The following LRRC7 variants were observed in gnomAD, a reference collection of about 807,000 sequenced individuals.
The protein encoded by LRRC7 is leucine rich repeat containing 7, also known as leucine-rich repeat-containing protein 7.
In LRRC7, 23 loss-of-function variants were observed where a neutral mutation model predicts 175.7. That is an observed-to-expected ratio of 0.13 (90% CI 0.09 to 0.19). The LOEUF (loss-of-function observed/expected upper bound fraction) is 0.19. Among genes scored for constraint, LRRC7 ranks in the 10% least tolerant of loss-of-function variants. LRRC7 has a pLI of 1.00. For synonymous variants in LRRC7, 685 were observed against 680.9 expected (o/e 1.01, Z -0.09); for missense variants, 1,354 against 1,904.7 (o/e 0.71, Z 5.38).
At chr1:69,796,734 C>T (rs781240761) in intron 4 of LRRC7, among the ~76,000 whole-genome samples, 1 of 151,510 alleles carries the variant, frequency 6.6e-6, no homozygotes, top group Admixed American at 6.6e-5. Context: ...GCGGAGGTTG[C>T]GGTGAGCCGA....
At chr1:69,685,564 A>T (rs1441139862) in intron 2 of LRRC7, among the ~76,000 whole-genome samples, 1 of 152,188 alleles carries the variant, frequency 6.6e-6, no homozygotes, top group Non-Finnish European at 1.5e-5. Context: ...TATGTAACTG[A>T]AAACCAAAAT....
chr1:69,639,020 GT>G (rs1442699932), intron 1 of LRRC7, among the ~76,000 whole-genome samples: 1 of 151,720 alleles, frequency 6.6e-6, no homozygotes, highest in Non-Finnish European at 1.5e-5. Flanking sequence ...TAGTATCTAA[GT>G]TTTTTAACTC....
chr1:69,691,505 G>C (rs1661857034), intron 2 of LRRC7, among the ~76,000 whole-genome samples: 1 of 151,958 alleles, frequency 6.6e-6, no homozygotes, highest in Admixed American at 6.6e-5. Context: ...GAATTATAAA[G>C]GATACAACTT....
At chr1:69,909,677 G>A (rs1037347639) in intron 7 of LRRC7, among the ~76,000 whole-genome samples, 4 of 152,026 alleles carry the variant, frequency 2.6e-5, no homozygotes, top group Non-Finnish European at 4.4e-5. Context: ...AGGGTAACCC[G>A]ACCTTTCTCT....
At chr1:69,810,352 G>A (rs1677682057) in intron 4 of LRRC7, among the ~76,000 whole-genome samples, 1 of 152,046 alleles carries the variant, frequency 6.6e-6, no homozygotes, top group South Asian at 2.1e-4. Context: ...ACTGCCCAAA[G>A]TAATTTATAG....
chr1:69,781,031 G>C (rs182875644), intron 3 of LRRC7, among the ~76,000 whole-genome samples: 17 of 152,266 alleles, frequency 1.1e-4, no homozygotes, highest in Non-Finnish European at 1.5e-5. Flanking sequence ...TTGAGATATA[G>C]TCATCTACAT....
chr1:69,880,181 C>T (rs918346495), intron 7 of LRRC7, among the ~76,000 whole-genome samples: 2 of 152,120 alleles, frequency 1.3e-5, no homozygotes, highest in Non-Finnish European at 2.9e-5. Flanking sequence ...TTCCTTCCTC[C>T]TTTCCCACTT....
chr1:69,637,219 T>C (rs146797897), intron 1 of LRRC7, among the ~76,000 whole-genome samples: 2 of 152,126 alleles, frequency 1.3e-5, no homozygotes, highest in East Asian at 3.9e-4. Context: ...TTTAAACTAC[T>C]GAATAAATGT....
At chr1:70,020,855 C>T in intron 15 of LRRC7, 150 bp from the exon 16 acceptor site, 1 of 506,148 alleles carries the variant, frequency 2.0e-6, no homozygotes, top group Non-Finnish European at 3.1e-6. Flanking sequence ...ATTCTTTTCT[C>T]TTTCCTTCTT....
Position 69,608,891 on chromosome 1 carries a change from TATATATATAC to T in LRRC7, c.2+40252_2+40261del, listed in dbSNP as rs1371428231. Among the ~76,000 whole-genome samples the T allele has an allele frequency of 4.2e-3, 560 of 132,160 alleles. 8 individuals are homozygous for T. Among genetic ancestry groups the T allele is most frequent in the African/African-American group, 0.015 (517 of 34,162 alleles). The allele number at this position is 132,160 out of a possible 152,430, so 86.7% of individuals were successfully genotyped here. A position where few individuals can be genotyped will look rare whatever the true frequency, so the allele number is the denominator to read the frequency against. On this transcript the variant is annotated intron_variant, in intron 1 of 26. Transcript: ENST00000651989. The stretch of plus-strand genomic sequence containing the variant: ...CTATATATATATATATATATATATA[TATATATATAC>T]ACACACACACACATATATATAAAAT...
At chr1:69,671,441 C>A (rs1174050600) in intron 1 of LRRC7, among the ~76,000 whole-genome samples, 1 of 152,080 alleles carries the variant, frequency 6.6e-6, no homozygotes, top group Non-Finnish European at 1.5e-5. Context: ...TCTTTTGGAA[C>A]CATGAGCTGT....
chr1:69,613,585 T>C (rs988720678), intron 1 of LRRC7, among the ~76,000 whole-genome samples: 1 of 152,078 alleles, frequency 6.6e-6, no homozygotes, highest in Non-Finnish European at 1.5e-5. Flanking sequence ...CTTCTTTGCC[T>C]GCATTTTCAA....
chr1:69,637,381 GT>G (rs1653555701), intron 1 of LRRC7, among the ~76,000 whole-genome samples: 1 of 151,894 alleles, frequency 6.6e-6, no homozygotes, highest in Non-Finnish European at 1.5e-5. Context: ...AAGTCTTGGG[GT>G]TAATTCTACA....
intron 7 of LRRC7, among the ~76,000 whole-genome samples, chr1:69,857,062 A>C (rs1230965702): frequency 6.6e-6 from 1 of 152,192 alleles, no homozygotes; most frequent in Non-Finnish European, 1.5e-5. Flanking sequence ...AAAATTCAAC[A>C]GTCCTTCATG....
chr1:70,114,516 G>A (rs1043372136), intron 26 of LRRC7, among the ~76,000 whole-genome samples: 4 of 151,950 alleles, frequency 2.6e-5, no homozygotes, highest in African/African-American at 7.3e-5. Flanking sequence ...AGCAGACCCC[G>A]TCTCTACGAA....
intron 21 of LRRC7, among the ~76,000 whole-genome samples, chr1:70,040,426 A>G (rs939916925): frequency 6.6e-6 from 1 of 152,226 alleles, no homozygotes; most frequent in South Asian, 2.1e-4. Flanking sequence ...AGATTATACT[A>G]CAGACAACAA....
At chr1:69,939,360 T>C (rs972170974) in intron 8 of LRRC7, among the ~76,000 whole-genome samples, 1 of 151,758 alleles carries the variant, frequency 6.6e-6, no homozygotes, top group African/African-American at 2.4e-5. Flanking sequence ...CTGATTCTAG[T>C]TATGTGGAAA....
intron 8 of LRRC7, among the ~76,000 whole-genome samples, chr1:69,977,104 A>C (rs1652893962): frequency 6.6e-6 from 1 of 152,260 alleles, no homozygotes; most frequent in African/African-American, 2.4e-5. Context: ...ACTGGAAGAC[A>C]TGTTTGTGCA....
intron 24 of LRRC7, among the ~76,000 whole-genome samples, chr1:70,082,101 T>C (rs1663250901): frequency 6.6e-6 from 1 of 152,218 alleles, no homozygotes; most frequent in Non-Finnish European, 1.5e-5. Flanking sequence ...TTAGATTAGA[T>C]GCTCTGGTCA....
Sources: gnomAD v4.1 joint callset for allele counts (sites outside exome capture counted in the v4.1 genomes callset) on GRCh38, gnomAD v4.1.1 for gene constraint, MANE v1.5 for transcripts, NCBI Gene and HGNC (gene_info 2026-07-23, HGNC 2026-07-21) for gene names.